The following ATXN7L1 variants were observed in gnomAD, a reference collection of about 807,000 sequenced individuals.
ATXN7L1 encodes ataxin 7 like 1.
A neutral mutation model predicts 70.8 loss-of-function variants in ATXN7L1; 15 were observed. That is an observed-to-expected ratio of 0.21 (90% CI 0.14 to 0.33). The LOEUF is 0.33. Among genes scored for constraint, ATXN7L1 ranks in the 10% least tolerant of loss-of-function variants. ATXN7L1 has a pLI of 1.00. For missense variants in ATXN7L1, 975 were observed against 1,097.1 expected, an observed-to-expected ratio of 0.89 and a Z score of 1.57; for synonymous variants, 440 against 445.1, an observed-to-expected ratio of 0.99 and a Z score of 0.14.
intron 2 of ATXN7L1, among the ~76,000 whole-genome samples, chr7:105,810,735 T>C (rs984971480): frequency 2.0e-5 from 3 of 152,136 alleles, no homozygotes; most frequent in African/African-American, 7.2e-5. Flanking sequence ...GGGGATGGCA[T>C]GGGGGCGGCG....
intron 7 of ATXN7L1, among the ~76,000 whole-genome samples, chr7:105,632,456 G>C (rs1245712643): frequency 1.3e-5 from 2 of 152,200 alleles, no homozygotes; most frequent in African/African-American, 4.8e-5. Flanking sequence ...AGAGGTAAGA[G>C]AGCTAAAGGT....
chr7:105,839,591 C>A (rs1407816961), intron 2 of ATXN7L1, among the ~76,000 whole-genome samples: 4 of 152,194 alleles, frequency 2.6e-5, no homozygotes, highest in Non-Finnish European at 5.9e-5. Flanking sequence ...TCCCTTTTCT[C>A]CCTGCATCTC....
chr7:105,772,086 T>G (rs1802090111), intron 3 of ATXN7L1, among the ~76,000 whole-genome samples: 2 of 143,184 alleles, frequency 1.4e-5, no homozygotes, highest in South Asian at 2.3e-4. Flanking sequence ...TTTTTTTTTT[T>G]TTTTTGAGAC....
chr7:105,649,534 T>C (rs1053809258), intron 4 of ATXN7L1: 1 of 987,722 alleles, frequency 1.0e-6, no homozygotes, highest in Admixed American at 6.2e-5. Flanking sequence ...TGGCATCAAG[T>C]AGATTCCCCT....
At chr7:105,825,743 A>C (rs1810784480) in intron 2 of ATXN7L1, among the ~76,000 whole-genome samples, 3 of 152,134 alleles carry the variant, frequency 2.0e-5, no homozygotes, top group Non-Finnish European at 4.4e-5. Context: ...ACTTTTCTGG[A>C]ATCTGTTCCT....
intron 3 of ATXN7L1, among the ~76,000 whole-genome samples, chr7:105,711,917 C>G (rs1793969232): frequency 6.6e-6 from 1 of 152,274 alleles, no homozygotes; most frequent in South Asian, 2.1e-4. Flanking sequence ...TCCGCCCCTG[C>G]AGCAGACTTC....
At chr7:105,868,215 GC>G (rs1267870349) in intron 2 of ATXN7L1, among the ~76,000 whole-genome samples, 3 of 151,984 alleles carry the variant, frequency 2.0e-5, no homozygotes, top group East Asian at 3.9e-4. Flanking sequence ...CCTCAGTGAG[GC>G]CCCCCCACCA....
chr7:105,730,592 C>T (rs1226191139), intron 3 of ATXN7L1, among the ~76,000 whole-genome samples: 2 of 151,980 alleles, frequency 1.3e-5, no homozygotes, highest in East Asian at 1.9e-4. Flanking sequence ...ATTAGCTGGG[C>T]GTGGTGGCAT....
intron 2 of ATXN7L1, among the ~76,000 whole-genome samples, chr7:105,818,072 G>A (rs1809461993): frequency 6.6e-6 from 1 of 152,160 alleles, no homozygotes; most frequent in South Asian, 2.1e-4. Flanking sequence ...AATCACTGAG[G>A]TTTCACAAGC....
intron 7 of ATXN7L1, among the ~76,000 whole-genome samples, chr7:105,634,447 G>C (rs1356289822): frequency 1.6e-4 from 1 of 6,124 alleles, no homozygotes; most frequent in East Asian, 0.25. Flanking sequence ...CTATGTGCCA[G>C]GCATGAAAGT....
At chr7:105,676,430 C>A (rs2116134162) in intron 3 of ATXN7L1, among the ~76,000 whole-genome samples, 1 of 152,288 alleles carries the variant, frequency 6.6e-6, no homozygotes, top group East Asian at 1.9e-4. Flanking sequence ...CTGATATCGC[C>A]CCCAGAGCAC....
At chr7:105,790,846 T>C (rs1425107474) in intron 2 of ATXN7L1, among the ~76,000 whole-genome samples, 1 of 152,112 alleles carries the variant, frequency 6.6e-6, no homozygotes, top group Non-Finnish European at 1.5e-5. Flanking sequence ...AGGGCAGCCA[T>C]GAACACTGGC....
chr7:105,823,598 C>T (rs1810456965), intron 2 of ATXN7L1, among the ~76,000 whole-genome samples: 1 of 152,234 alleles, frequency 6.6e-6, no homozygotes, highest in Non-Finnish European at 1.5e-5. Flanking sequence ...GTTCCACTAT[C>T]TGTTGATTGG....
intron 3 of ATXN7L1, among the ~76,000 whole-genome samples, chr7:105,741,289 C>T (rs1199430320): frequency 1.3e-5 from 2 of 152,122 alleles, no homozygotes; most frequent in East Asian, 1.9e-4. Context: ...CCTCAAATGG[C>T]CATTTCTCTC....
intron 2 of ATXN7L1, among the ~76,000 whole-genome samples, chr7:105,834,235 T>A (rs1030930777): frequency 6.6e-6 from 1 of 151,782 alleles, no homozygotes; most frequent in African/African-American, 2.4e-5. Context: ...AGAGACAGAG[T>A]TTCACCATGT....
At chr7:105,829,859 G>A (rs1811361533) in intron 2 of ATXN7L1, among the ~76,000 whole-genome samples, 1 of 152,200 alleles carries the variant, frequency 6.6e-6, no homozygotes, top group African/African-American at 2.4e-5. Context: ...CTGGAAAGAA[G>A]AGGTTGAAAA....
chr7:105,795,737 C>G (rs1209263966), intron 2 of ATXN7L1, among the ~76,000 whole-genome samples: 2 of 152,192 alleles, frequency 1.3e-5, no homozygotes, highest in Non-Finnish European at 2.9e-5. Context: ...GATATCTACG[C>G]TCACCATAGA....
intron 7 of ATXN7L1, among the ~76,000 whole-genome samples, chr7:105,631,278 C>T (rs1184112879): frequency 6.6e-6 from 1 of 152,178 alleles, no homozygotes; most frequent in Non-Finnish European, 1.5e-5. Flanking sequence ...AACTGACCTA[C>T]TATAGAACCT....
In ATXN7L1 at chr7:105,619,140, GTTTTTTTTTTT is replaced by G. The variant is rs1191774371; in HGVS notation, c.1517+1049_1517+1059del. 1.4e-3 allele frequency among the ~76,000 whole-genome samples: 68 copies of G among 49,846 alleles called. 1 individual carries two copies. The East Asian group carries it at 0.027, about 20-fold the overall frequency. 32.7% of individuals were successfully genotyped at this position (49,846 alleles called of 152,430 possible). A position where few individuals can be genotyped will look rare whatever the true frequency, so the allele number is the denominator to read the frequency against. ...GTCCACAACCATAATGAAATCTTTA[GTTTTTTTTTTT>G]TTTTTTTTTTTTTTGAGACGGAGTC... On this transcript the variant is annotated intron_variant, in intron 9 of 11. Transcript: ENST00000419735.
Sources: gnomAD v4.1 joint callset for allele counts (sites outside exome capture counted in the v4.1 genomes callset) on GRCh38, gnomAD v4.1.1 for gene constraint, MANE v1.5 for transcripts, NCBI Gene and HGNC (gene_info 2026-07-23, HGNC 2026-07-21) for gene names.